TTN: variants seen among roughly 807,000 people sequenced by gnomAD.
TTN encodes the protein titin, also known as connectin.
Under a neutral mutation model 3,223.0 loss-of-function variants are expected in TTN, and 1,525 were observed. The ratio of observed to expected loss-of-function variants is 0.47; its 90% CI spans 0.45 to 0.49. The LOEUF (loss-of-function observed/expected upper bound fraction) is 0.49. Ranked by LOEUF, TTN falls within the 20% of genes least tolerant of loss-of-function variation. TTN has a pLI of 0.00. For missense variants in TTN, 40,786 were observed against 43,424.0 expected (o/e 0.94, Z 5.40); for synonymous variants, 14,094 against 15,161.0 (o/e 0.93, Z 5.17).
intron 28 of TTN, 71 bp from the exon 29 acceptor site, chr2:178,775,273 G>C (rs573815332): frequency 6.2e-7 from 1 of 1,612,122 alleles, no homozygotes; most frequent in African/African-American, 1.3e-5. Flanking sequence ...CTGAGGAATG[G>C]GGAAAGAAAA....
Position 178,569,903 on chromosome 2 carries a change from T to A in TTN, c.76229A>T (p.Asn25410Ile), listed in dbSNP as rs397517706. 1.9e-6 allele frequency: 3 copies of A among 1,613,360 alleles called. No individual in the cohort carries two copies. In the South Asian group the frequency reaches 3.3e-5, roughly 18 times the overall value. The change falls in exon 326 of 363, where the codon AAC becomes ATC. Residue 25410 changes from asparagine (N) to isoleucine (I), a missense_variant. By Grantham distance (149) the Asn-to-Ile change is moderately radical. Coordinates refer to ENST00000589042, the MANE Select transcript of TTN (RefSeq NM_001267550.2). ...CDPIYKPGPP[N>I]NPKVIDITRS... ...GGTTATGTCTATGACTTTGGGGTTG[T>A]TTGGGGGTCCTGGTTTATAAATAGG...
chr2:178,711,131 C>T lies in TTN; in HGVS notation c.28105G>A (p.Gly9369Ser). The T allele has an allele frequency of 6.2e-7, 1 of 1,613,806 alleles. No individual in the cohort carries two copies. The highest frequency in any genetic ancestry group is 8.5e-7 in the Non-Finnish European group (1 of 1,179,758). The stretch of plus-strand genomic sequence containing the variant: ...TTTGTAGCTGTGCAGGAATACTGGC[C>T]TGCAAGGCTCCGGTCAGTTTTAAAA... ...NIFKTDRSLA[G>S]QYSCTATNPI... is the part of the protein sequence containing the mutation. Residue 9369 changes from glycine (G) to serine (S), a missense_variant, in exon 97 of 363, where the codon GGC (glycine) becomes AGC (serine). Physicochemically the swap from Gly to Ser is moderately conservative, Grantham distance 56. Transcript: ENST00000589042.
In TTN at chr2:178,533,150, C is replaced by T. The variant is rs1345309779; in HGVS notation, c.103465G>A (p.Gly34489Arg). 1 of 1,613,806 alleles carries T rather than the reference C, an allele frequency of 6.2e-7. No individual in the cohort carries two copies. The highest frequency in any genetic ancestry group is 8.5e-7 in the Non-Finnish European group (1 of 1,179,862). Residue 34489 changes from glycine to arginine, a missense_variant, in exon 358 of 363, where the codon GGA becomes AGA. Physicochemically the swap from Gly to Arg is moderately radical, Grantham distance 125. Transcript: ENST00000589042. ...KTLRMAEILS[G>R]TESVPLTQVA... The stretch of plus-strand genomic sequence containing the variant: ...TGTGTCAGTGGTACACTTTCAGTTC[C>T]AGAAAGAATTTCAGCCATTCTGAGG...
rs758400904 is a variant in TTN, at chr2:178,807,241, G to A, written c.-43C>T. ...TTTCTCAAGAGTGCCTAAAAAGGGTGGGACTAAGCCCAAGGTTGCTTCTGA... is the reference window on the plus strand; with the variant it reads ...TTTCTCAAGAGTGCCTAAAAAGGGTAGGACTAAGCCCAAGGTTGCTTCTGA... On this transcript the variant is annotated 5_prime_UTR_variant, in exon 1 of 363. Coordinates refer to ENST00000589042, the MANE Select transcript of TTN (RefSeq NM_001267550.2). 6.6e-6 allele frequency: 1 copy of A among 152,168 alleles called. No homozygotes were observed. Among genetic ancestry groups the A allele is most frequent in the Non-Finnish European group, 1.5e-5 (1 of 68,034 alleles). 9.4% of individuals were successfully genotyped at this position (152,168 alleles called of 1,614,324 possible). A position where few individuals can be genotyped will look rare whatever the true frequency, so the allele number is the denominator to read the frequency against.
At chr2:178,690,170 T>C (rs1245906273) in intron 121 of TTN, among the ~76,000 whole-genome samples, 1 of 152,198 alleles carries the variant, frequency 6.6e-6, no homozygotes, top group Non-Finnish European at 1.5e-5. Flanking sequence ...ATGACCTTGC[T>C]AAAAACAAAT....
In TTN at chr2:178,554,587, T is replaced by A; in HGVS notation, c.88760A>T (p.His29587Leu). 6.2e-7 allele frequency: 1 copy of A among 1,613,918 alleles called. No homozygotes were observed. The highest frequency in any genetic ancestry group is 8.5e-7 in the Non-Finnish European group (1 of 1,179,850). ...GGTTGTAATGATGCACTCTTCCAAATGTTCAGACACCATAGACCACACAAC... is the reference window on the plus strand; with the variant it reads ...GGTTGTAATGATGCACTCTTCCAAAAGTTCAGACACCATAGACCACACAAC... ...SRVVWSMVSE[H>L]LEECIITTTK... The change falls in exon 332 of 363, where the codon CAT becomes CTT. Residue 29587 changes from histidine to leucine, a missense_variant. Coordinates refer to ENST00000589042, the MANE Select transcript of TTN (RefSeq NM_001267550.2).
chr2:178,599,433 G>C lies in TTN; in HGVS notation c.56360C>G (p.Pro18787Arg), dbSNP rs1227865413. 3 of 1,532,296 alleles carry C rather than the reference G, an allele frequency of 2.0e-6. No homozygotes were observed. Among genetic ancestry groups the C allele is most frequent in the Non-Finnish European group, 2.6e-6 (3 of 1,142,928 alleles). 94.9% of individuals were successfully genotyped at this position (1,532,296 alleles called of 1,614,324 possible). A position where few individuals can be genotyped will look rare whatever the true frequency, so the allele number is the denominator to read the frequency against. ...TTCAAATTTTATGGGTCCCACTGGAGGGCCAGGACGACCTAAAATGGTTTA... is the reference window on the plus strand; with the variant it reads ...TTCAAATTTTATGGGTCCCACTGGACGGCCAGGACGACCTAAAATGGTTTA... ...MRLNVLGRPG[P>R]PVGPIKFESV... The change falls in exon 290 of 363, where the codon CCT (proline) becomes CGT (arginine). Residue 18787 changes from proline to arginine, a missense_variant. Coordinates refer to ENST00000589042, the MANE Select transcript of TTN (RefSeq NM_001267550.2).
At position 178,609,984 on chromosome 2, in the gene TTN, G is replaced by T. The variant is rs876658065; in HGVS notation, c.51439C>A (p.Pro17147Thr). ...NPVIAQDPKQ[P>T]PDPPVDVEVH... ...TCTACATCTACAGGTGGATCAGGGG[G>T]TTCTGAAGAACAAGAAAAAAATGTT... Residue 17147 changes from proline (P) to threonine (T), a missense_variant and splice_region_variant, in exon 272 of 363, where the codon CCC becomes ACC. By Grantham distance (38) the Pro-to-Thr change is conservative (BLOSUM62 -1). Transcript: ENST00000589042. The T allele has an allele frequency of 1.2e-6, 2 of 1,610,138 alleles. No individual in the cohort carries two copies. The highest frequency in any genetic ancestry group is 1.7e-6 in the Non-Finnish European group (2 of 1,178,570).
At chr2:178,714,594 C>A in intron 90 of TTN, 21 bp from the exon 91 acceptor site, 1 of 1,562,624 alleles carries the variant, frequency 6.4e-7, no homozygotes, top group Non-Finnish European at 8.6e-7. Flanking sequence ...AGGAGGAAAG[C>A]CTGGGTTTTA....
chr2:178,743,935 A>G (rs2082959690), intron 47 of TTN, among the ~76,000 whole-genome samples: 1 of 151,962 alleles, frequency 6.6e-6, no homozygotes, highest in Non-Finnish European at 1.5e-5. Flanking sequence ...CAGATAATTC[A>G]AAATTTTTTT....
chr2:178,746,769 C>A (rs761530552), intron 47 of TTN: 2 of 1,613,414 alleles, frequency 1.2e-6, no homozygotes, highest in Admixed American at 3.3e-5. Context: ...ACACCAGGAA[C>A]TGGAAGACCT....
At chr2:178,695,215 A>G (rs1485253682) in intron 115 of TTN, 133 bp downstream of exon 115, 4 of 633,024 alleles carry the variant, frequency 6.3e-6, no homozygotes, top group Non-Finnish European at 1.0e-5. Context: ...TAAGAAAAAA[A>G]AATCATTCAC....
chr2:178,757,227 A>ATACTGTACTTGCTTTAAGTACAGGAAG (rs1553968975), intron 45 of TTN, among the ~76,000 whole-genome samples: 4 of 150,194 alleles, frequency 2.7e-5, no homozygotes, highest in African/African-American at 4.9e-5. Context: ...ACAGTAAGTA[A>ATACTGTACTTGCTTTAAGTACAGGAAG]TAATCAGCAA....
In TTN at chr2:178,633,234, C is replaced by T. The variant is rs1009268757; in HGVS notation, c.43039G>A (p.Val14347Ile). The part of the protein sequence containing the change: ...HFEIELSEPD[V>I]HGQWKLKGQP... ...CCTTTCAGCTTCCACTGGCCGTGAA[C>T]ATCAGGTTCAGAAAGTTCAATTTCA... Residue 14347 changes from valine (V) to isoleucine (I), a missense_variant, in exon 233 of 363, where the codon GTT (valine) becomes ATT (isoleucine). Transcript: ENST00000589042. The T allele has an allele frequency of 1.2e-6, 2 of 1,613,096 alleles. No individual in the cohort carries two copies. Among genetic ancestry groups the T allele is most frequent in the African/African-American group, 1.3e-5 (1 of 74,860 alleles).
At chr2:178,536,656 A>G (rs1691648533) in intron 356 of TTN, 81 bp from the exon 357 acceptor site, 2 of 1,206,634 alleles carry the variant, frequency 1.7e-6, no homozygotes, top group Non-Finnish European at 2.2e-6. Flanking sequence ...AAAGAATGTT[A>G]TATGAGTCCA....
chr2:178,626,537 T>C (rs1274528755), intron 240 of TTN, among the ~76,000 whole-genome samples: 1 of 152,008 alleles, frequency 6.6e-6, no homozygotes, highest in African/African-American at 2.4e-5. Flanking sequence ...TTTGTTATGC[T>C]AGTGTAAAGA....
intron 222 of TTN, 87 bp from the exon 223 acceptor site, chr2:178,639,875 A>C (rs2060999141): frequency 2.7e-6 from 4 of 1,461,284 alleles, no homozygotes; most frequent in Non-Finnish European, 3.7e-6. Context: ...TTCTGATATA[A>C]TTTTGAAATC....
At position 178,723,983 on chromosome 2, in the gene TTN, G is replaced by A. The variant is rs372264428; in HGVS notation, c.21276C>T (p.Thr7092=). The change falls in exon 73 of 363, where the codon ACC becomes ACT. Residue 7092 remains threonine, a synonymous_variant. Coordinates refer to ENST00000589042, the MANE Select transcript of TTN (RefSeq NM_001267550.2). ...ATGTGCAGACATTATCTGAAAATGT[G>A]GTTTGGTACTTTGCTCCACTGACAA... The part of the protein sequence containing the change: ...TKIVSGAKYQ[T]TFSDNVCTLQ... 211 of 1,613,448 alleles carry A rather than the reference G, an allele frequency of 1.3e-4. No homozygotes were observed. The highest frequency in any genetic ancestry group is 1.7e-4 in the Non-Finnish European group (199 of 1,179,618).
intron 81 of TTN, 60 bp from the exon 82 acceptor site, chr2:178,719,892 T>C (rs1358018317): frequency 1.9e-6 from 3 of 1,555,398 alleles, no homozygotes; most frequent in Non-Finnish European, 2.6e-6. Context: ...AAGAGTGCAA[T>C]CACTGAATTA....
Sources: gnomAD v4.1 joint callset for allele counts (sites outside exome capture counted in the v4.1 genomes callset) on GRCh38, gnomAD v4.1.1 for gene constraint, MANE v1.5 for transcripts, NCBI Gene and HGNC (gene_info 2026-07-23, HGNC 2026-07-21) for gene names.